SPTBN1: variants seen among roughly 807,000 people sequenced by gnomAD.
The protein encoded by SPTBN1 is spectrin beta chain, non-erythrocytic 1.
A neutral mutation model predicts 266.4 loss-of-function variants in SPTBN1; 32 were observed. That is an observed-to-expected ratio of 0.12 (90% CI 0.09 to 0.16). SPTBN1 has a LOEUF of 0.16. Ranked by LOEUF, SPTBN1 falls within the 10% of genes least tolerant of loss-of-function variation. The pLI is 1.00. For synonymous variants in SPTBN1, 1,336 were observed against 1,162.2 expected (o/e 1.15, Z -3.04); for missense variants, 2,296 against 3,067.1 (o/e 0.75, Z 5.94).
intron 11 of SPTBN1, 25 bp downstream of exon 11, chr2:54,624,987 A>G: frequency 6.4e-7 from 1 of 1,557,700 alleles, no homozygotes; most frequent in South Asian, 1.2e-5. Context: ...ATTATTAAAA[A>G]GACTGTTGCT....
At position 54,631,382 on chromosome 2, in the gene SPTBN1, A is replaced by C. The variant is rs1448424152; in HGVS notation, c.3335A>C (p.Asp1112Ala). 13 of 1,614,136 alleles carry C rather than the reference A, an allele frequency of 8.1e-6. No individual in the cohort carries two copies. The highest frequency in any genetic ancestry group is 1.1e-5 in the Non-Finnish European group (13 of 1,180,052). The change falls in exon 16 of 36, where the codon GAC (aspartate) becomes GCC (alanine). Residue 1112 changes from aspartate to alanine, a missense_variant. Asp to Ala is a moderately radical substitution (Grantham distance 126). Around this residue, in one of 12 missense-constraint regions of SPTBN1, gnomAD observed 386 missense variants for 486.1 expected, o/e 0.79. Coordinates refer to ENST00000356805, the MANE Select transcript of SPTBN1 (RefSeq NM_003128.3). The part of the protein sequence containing the change: ...TQHENIKNEI[D>A]NYEEDYQKMR... ...CACGAGAACATCAAGAACGAGATCG[A>C]CAACTACGAGGAGGACTACCAGAAG...
At chr2:54,471,627 G>A (rs140400542) in intron 1 of SPTBN1, among the ~76,000 whole-genome samples, 128 of 152,278 alleles carry the variant, frequency 8.4e-4, no homozygotes, top group Non-Finnish European at 1.4e-3. Context: ...ATGTTGGAAT[G>A]TGTTGGAGAA....
chr2:54,512,253 T>C (rs1158265869), intron 1 of SPTBN1, among the ~76,000 whole-genome samples: 11 of 152,226 alleles, frequency 7.2e-5, no homozygotes, highest in Admixed American at 7.2e-4. Context: ...ATTATTTGAA[T>C]GTTTTTTCTA....
chr2:54,650,434 T>C (rs1038180139), intron 26 of SPTBN1, among the ~76,000 whole-genome samples: 10 of 152,232 alleles, frequency 6.6e-5, no homozygotes, highest in Non-Finnish European at 1.5e-4. Context: ...GCACTAAGAC[T>C]TTGTTTAAAA....
chr2:54,516,248 AC>A (rs759765348), intron 1 of SPTBN1: 4 of 152,130 alleles, frequency 2.6e-5, no homozygotes, highest in Non-Finnish European at 5.9e-5. Flanking sequence ...TAGTTTATTC[AC>A]CTGTAAAATA....
chr2:54,537,169 T>C (rs965091254), intron 2 of SPTBN1, among the ~76,000 whole-genome samples: 2 of 152,220 alleles, frequency 1.3e-5, no homozygotes, highest in Admixed American at 6.5e-5. Context: ...GCCTCATTCA[T>C]TGGAACCCTC....
chr2:54,506,980 T>C (rs564947044), intron 1 of SPTBN1, among the ~76,000 whole-genome samples: 368 of 139,156 alleles, frequency 2.6e-3, no homozygotes, highest in Non-Finnish European at 4.7e-3. Context: ...CAAAGGGTGG[T>C]GGGATTATCA....
At chr2:54,529,816 A>C in intron 2 of SPTBN1, 1 of 490,306 alleles carries the variant, frequency 2.0e-6, no homozygotes, top group East Asian at 5.4e-5. Flanking sequence ...AACTGAGTCC[A>C]TCTGGCTAAT....
rs1187870268 is a variant in SPTBN1 at position 54,558,592 on chromosome 2, C to T, written c.148+32026C>T. On this transcript the variant is annotated intron_variant, in intron 2 of 35. Coordinates refer to ENST00000356805, the MANE Select transcript of SPTBN1 (RefSeq NM_003128.3). This position sits in a 1 kb window ranked among gnomAD's most constrained non-coding sequence, Gnocchi z 4.6. ...ATTAGATGCCTGTGTGGTAACTCCT[C>T]GCGGAGCTAAGGTGGACTCTCTTGC... 8 of 1,379,180 alleles carry T rather than the reference C, an allele frequency of 5.8e-6. No individual in the cohort carries two copies. The highest frequency in any genetic ancestry group is 5.9e-5 in the East Asian group (2 of 34,042). The allele number at this position is 1,379,180 out of a possible 1,614,324, so 85.4% of individuals were successfully genotyped here.
chr2:54,574,503 C>T (rs1028315073), intron 2 of SPTBN1, among the ~76,000 whole-genome samples: 2 of 152,198 alleles, frequency 1.3e-5, no homozygotes. Context: ...CAGAAAGCAT[C>T]CTCCCCTCAG....
In SPTBN1 at chr2:54,649,113, G is replaced by A. The variant is rs757703746; in HGVS notation, c.5125G>A (p.Asp1709Asn). 38 of 1,613,872 alleles carry A rather than the reference G, an allele frequency of 2.4e-5. No individual in the cohort carries two copies. Among genetic ancestry groups the A allele is most frequent in the Non-Finnish European group, 3.1e-5 (36 of 1,179,902 alleles). ...ATTCCAGCTCAACCGGGAGGTGGAC[G>A]ACCTGGAGCAGTGGATCGCTGAGAG... ...RLFQLNREVD[D>N]LEQWIAEREV... is the part of the protein sequence containing the mutation. Residue 1709 changes from aspartate to asparagine, a missense_variant, in exon 25 of 36, where the codon GAC (aspartate) becomes AAC (asparagine). This residue lies in a region of SPTBN1 where 644 missense variants were observed against 745.3 expected (regional missense o/e 0.86). Transcript: ENST00000356805. This position sits in a 1 kb window ranked among gnomAD's most constrained non-coding sequence, Gnocchi z 6.7.
intron 2 of SPTBN1, among the ~76,000 whole-genome samples, chr2:54,548,740 A>T (rs920016582): frequency 2.0e-5 from 3 of 152,186 alleles, no homozygotes; most frequent in Non-Finnish European, 4.4e-5. Context: ...ACTATAAATG[A>T]GATGGGTTGG....
rs1463743153 is a variant in SPTBN1 at position 54,628,768 on chromosome 2, A to G, written c.1799-165A>G. On this transcript the variant is annotated intron_variant, in intron 13 of 35. Coordinates refer to ENST00000356805, the MANE Select transcript of SPTBN1 (RefSeq NM_003128.3). This position sits in a 1 kb window ranked among gnomAD's most constrained non-coding sequence, Gnocchi z 4.3. ...ATTGCCCTCACTCCTGTTCTAGTCAAGTTGTTAGAAGGTGCTCCATTGCCT... is the reference window on the plus strand; with the variant it reads ...ATTGCCCTCACTCCTGTTCTAGTCAGGTTGTTAGAAGGTGCTCCATTGCCT... 6.6e-6 allele frequency among the ~76,000 whole-genome samples: 1 copy of G among 152,172 alleles called. No individual in the cohort carries two copies. Among genetic ancestry groups the G allele is most frequent in the Non-Finnish European group, 1.5e-5 (1 of 68,028 alleles).
Position 54,533,067 on chromosome 2 carries a change from A to T in SPTBN1, c.148+6501A>T, listed in dbSNP as rs1265239952. On this transcript the variant is annotated intron_variant, in intron 2 of 35. Coordinates refer to ENST00000356805, the MANE Select transcript of SPTBN1 (RefSeq NM_003128.3). The surrounding 1 kb of genome is among the most constrained non-coding windows in gnomAD (Gnocchi z 4.2). ...GAATTGCCAGCCCAGGGCCATTATT[A>T]AGTCAAATAAGGGTTACCTGACAGT... 6.6e-6 allele frequency among the ~76,000 whole-genome samples: 1 copy of T among 152,074 alleles called. No homozygotes were observed. Among genetic ancestry groups the T allele is most frequent in the African/African-American group, 2.4e-5 (1 of 41,388 alleles).
intron 32 of SPTBN1, chr2:54,663,144 C>G (rs995087405): frequency 6.6e-6 from 1 of 152,098 alleles, no homozygotes; most frequent in African/African-American, 2.4e-5. Context: ...AAGATAAGAC[C>G]TAATAAGTGA....
intron 1 of SPTBN1, among the ~76,000 whole-genome samples, chr2:54,459,793 G>A (rs943776819): frequency 6.6e-6 from 1 of 152,154 alleles, no homozygotes; most frequent in African/African-American, 2.4e-5. Context: ...TAGGTCTGTG[G>A]AAGTGAGTAA....
intron 29 of SPTBN1, among the ~76,000 whole-genome samples, chr2:54,656,408 T>A (rs770012928): frequency 7.9e-4 from 121 of 152,338 alleles, no homozygotes; most frequent in Non-Finnish European, 1.0e-3. Context: ...CTATTAAAAT[T>A]TTGCTGTGAA....
intron 1 of SPTBN1, among the ~76,000 whole-genome samples, chr2:54,457,996 A>G (rs942765102): frequency 6.6e-6 from 1 of 152,202 alleles, no homozygotes; most frequent in Non-Finnish European, 1.5e-5. Context: ...GACTGGGCCC[A>G]GTGGTGTGCG....
rs1002831031 is a variant in SPTBN1 at position 54,670,571 on chromosome 2, C to G, written c.*2002C>G. ...AGGGTTGGAATCAAGTTGTTCTATT[C>G]TCAACAGACCAAAATGTTTAGTTAA... On this transcript the variant is annotated 3_prime_UTR_variant, in exon 36 of 36. Transcript: ENST00000356805. 1 of 397,418 alleles carries G rather than the reference C, an allele frequency of 2.5e-6. No homozygotes were observed. The highest frequency in any genetic ancestry group is 4.4e-6 in the Non-Finnish European group (1 of 225,702). The allele number at this position is 397,418 out of a possible 1,614,324, so 24.6% of individuals were successfully genotyped here.
Sources: allele counts gnomAD v4.1 joint callset (sites outside exome capture counted in the v4.1 genomes callset), GRCh38; gene constraint gnomAD v4.1.1; regional missense constraint gnomAD v4.1.1; non-coding constraint Gnocchi (gnomAD v3.1); transcripts MANE v1.5; gene names NCBI Gene and HGNC (gene_info 2026-07-23, HGNC 2026-07-21).